PDE4B: variants seen among roughly 807,000 people sequenced by gnomAD.
The protein encoded by PDE4B is 3',5'-cyclic-AMP phosphodiesterase 4B.
A neutral mutation model predicts 82.2 loss-of-function variants in PDE4B; 20 were observed. The observed-to-expected ratio is 0.24, with a 90% CI of 0.17 to 0.35. PDE4B has a LOEUF of 0.35. Among genes scored for constraint, PDE4B ranks in the 10% least tolerant of loss-of-function variants. PDE4B has a pLI of 1.00. For missense variants in PDE4B, 655 were observed against 907.2 expected (o/e 0.72, Z 3.57); for synonymous variants, 320 against 318.9 (o/e 1.00, Z -0.04).
intron 3 of PDE4B, among the ~76,000 whole-genome samples, chr1:65,949,645 C>A (rs1648892207): frequency 6.6e-6 from 1 of 152,070 alleles, no homozygotes; most frequent in Non-Finnish European, 1.5e-5. Flanking sequence ...TGTCCCAACA[C>A]TTTTGATCAG....
chr1:66,167,276 A>G (rs1401823556), intron 3 of PDE4B, among the ~76,000 whole-genome samples: 2 of 152,270 alleles, frequency 1.3e-5, no homozygotes, highest in African/African-American at 4.8e-5. Flanking sequence ...TTATTCATAC[A>G]TAATAGCTAA....
At chr1:65,992,933 AC>A in intron 3 of PDE4B, 1 of 1,613,822 alleles carries the variant, frequency 6.2e-7, no homozygotes, top group Non-Finnish European at 8.5e-7. Flanking sequence ...CTTCAAAGGA[AC>A]TTACTGCTTC....
At chr1:66,067,395 A>C (rs1655913320) in intron 3 of PDE4B, among the ~76,000 whole-genome samples, 1 of 152,064 alleles carries the variant, frequency 6.6e-6, no homozygotes, top group Admixed American at 6.6e-5. Flanking sequence ...CTGGTGTGAG[A>C]TGGTATCTCA....
At chr1:66,083,878 C>T (rs902953584) in intron 3 of PDE4B, among the ~76,000 whole-genome samples, 1 of 152,116 alleles carries the variant, frequency 6.6e-6, no homozygotes, top group Admixed American at 6.6e-5. Context: ...TGGTATTATT[C>T]TGTATGTGCC....
chr1:65,876,767 C>T (rs961292452), intron 1 of PDE4B, among the ~76,000 whole-genome samples: 5 of 152,050 alleles, frequency 3.3e-5, no homozygotes, highest in African/African-American at 4.8e-5. Flanking sequence ...AAGTGTGTTT[C>T]TGTCCATTTT....
intron 3 of PDE4B, among the ~76,000 whole-genome samples, chr1:66,079,971 G>A (rs1307826432): frequency 5.9e-5 from 9 of 151,974 alleles, no homozygotes; most frequent in South Asian, 4.2e-4. Context: ...TGTTTTAAAC[G>A]TTTATTAATT....
At chr1:66,192,353 A>C (rs1035883640) in intron 3 of PDE4B, among the ~76,000 whole-genome samples, 1 of 152,118 alleles carries the variant, frequency 6.6e-6, no homozygotes, top group African/African-American at 2.4e-5. Flanking sequence ...TTGTCTTTTC[A>C]CTTAGAATTT....
chr1:66,367,688 T>G lies in PDE4B; in HGVS notation c.1385-8T>G, dbSNP rs745707794. On this transcript the variant is annotated splice_polypyrimidine_tract_variant and splice_region_variant and intron_variant, in intron 13 of 16. Coordinates refer to ENST00000341517, the MANE Select transcript of PDE4B (RefSeq NM_002600.4). Reference sequence around the variant, plus strand: ...TTAATTAAGTCATCATTTGGTCTGATTTATTAGATTCAGAACTTGCTTTGA... The same window carrying G: ...TTAATTAAGTCATCATTTGGTCTGAGTTATTAGATTCAGAACTTGCTTTGA... 6.2e-7 allele frequency: 1 copy of G among 1,601,282 alleles called. No individual in the cohort carries two copies. The highest frequency in any genetic ancestry group is 1.1e-5 in the South Asian group (1 of 89,128).
intron 3 of PDE4B, among the ~76,000 whole-genome samples, chr1:65,968,715 C>T (rs1015662173): frequency 7.2e-5 from 11 of 152,106 alleles, no homozygotes; most frequent in African/African-American, 2.7e-4. Context: ...AGTGTGGGTA[C>T]ACCTCACATT....
At chr1:65,962,013 A>G (rs762733847) in intron 3 of PDE4B, among the ~76,000 whole-genome samples, 114 of 152,294 alleles carry the variant, frequency 7.5e-4, no homozygotes, top group Non-Finnish European at 1.4e-3. Flanking sequence ...AGTTGAAAAT[A>G]TTGTTAGTCG....
chr1:66,105,988 T>A (rs1321346720), intron 3 of PDE4B, among the ~76,000 whole-genome samples: 3 of 151,832 alleles, frequency 2.0e-5, no homozygotes, highest in Non-Finnish European at 2.9e-5. Context: ...TGAATAGGAG[T>A]GGTGAGAGAG....
At chr1:65,910,045 G>C (rs1330063678) in intron 1 of PDE4B, among the ~76,000 whole-genome samples, 1 of 152,224 alleles carries the variant, frequency 6.6e-6, no homozygotes, top group Admixed American at 6.5e-5. Context: ...GTCTTAACCA[G>C]TAGAGTGCAT....
At chr1:66,087,085 C>G (rs541052663) in intron 3 of PDE4B, among the ~76,000 whole-genome samples, 1 of 152,062 alleles carries the variant, frequency 6.6e-6, no homozygotes, top group Non-Finnish European at 1.5e-5. Context: ...TTTATATTCA[C>G]GTATTGCAAA....
intron 3 of PDE4B, among the ~76,000 whole-genome samples, chr1:66,022,272 C>T (rs1341764770): frequency 6.6e-6 from 1 of 152,168 alleles, no homozygotes; most frequent in Admixed American, 6.5e-5. Flanking sequence ...AATTTGACTT[C>T]CTCTTTTCCT....
chr1:65,983,770 A>G (rs1412005749), intron 3 of PDE4B, among the ~76,000 whole-genome samples: 1 of 130,944 alleles, frequency 7.6e-6, no homozygotes, highest in Non-Finnish European at 1.7e-5. Context: ...TATTTAAACC[A>G]CCCACTCATT....
intron 3 of PDE4B, among the ~76,000 whole-genome samples, chr1:66,129,659 C>CAAAAAAAA (rs59846345): frequency 1.1e-5 from 1 of 94,794 alleles, no homozygotes; most frequent in African/African-American, 4.6e-5. Flanking sequence ...GACTCCGTCT[C>CAAAAAAAA]AAAAAAAAAA....
At chr1:66,178,228 T>C (rs927878424) in intron 3 of PDE4B, among the ~76,000 whole-genome samples, 30 of 152,068 alleles carry the variant, frequency 2.0e-4, no homozygotes, top group African/African-American at 7.0e-4. Flanking sequence ...ACTTTAAATA[T>C]CTACTCTATG....
chr1:66,042,461 A>G (rs377614083), intron 3 of PDE4B: 3 of 151,890 alleles, frequency 2.0e-5, no homozygotes, highest in Admixed American at 1.3e-4. Context: ...GCATTATACA[A>G]CATACATAAT....
intron 9 of PDE4B, 50 bp from the exon 10 acceptor site, chr1:66,361,555 TATTGCAGTGG>T: frequency 7.5e-7 from 1 of 1,333,202 alleles, no homozygotes; most frequent in South Asian, 1.3e-5. Context: ...TTGTTTTGAA[TATTGCAGTGG>T]ATTCTCATAG....
Sources: gnomAD v4.1 joint callset for allele counts (sites outside exome capture counted in the v4.1 genomes callset) on GRCh38, gnomAD v4.1.1 for gene constraint, MANE v1.5 for transcripts, NCBI Gene and HGNC (gene_info 2026-07-23, HGNC 2026-07-21) for gene names.